Variants in SLC2A13 observed in about 807,000 individuals in gnomAD.
SLC2A13 encodes the protein proton myo-inositol cotransporter.
Under a neutral mutation model 64.4 loss-of-function variants are expected in SLC2A13, and 32 were observed. The ratio of observed to expected loss-of-function variants is 0.50; its 90% CI spans 0.37 to 0.67. SLC2A13 has a LOEUF of 0.67. SLC2A13 is among the 30% of genes least tolerant of loss of function. The pLI, the probability that SLC2A13 is intolerant of heterozygous loss-of-function variation, is 0.00. For missense variants in SLC2A13, 743 were observed against 829.2 expected, an observed-to-expected ratio of 0.90 and a Z score of 1.28; for synonymous variants, 338 against 327.1, an observed-to-expected ratio of 1.03 and a Z score of -0.36.
At chr12:39,770,456 C>T (rs993259066) in intron 7 of SLC2A13, among the ~76,000 whole-genome samples, 1 of 152,140 alleles carries the variant, frequency 6.6e-6, no homozygotes, top group Admixed American at 6.5e-5. Flanking sequence ...ATATAATGAG[C>T]ACTTTTTATG....
At chr12:39,966,254 A>G (rs1946513105) in intron 3 of SLC2A13, among the ~76,000 whole-genome samples, 1 of 152,026 alleles carries the variant, frequency 6.6e-6, no homozygotes, top group African/African-American at 2.4e-5. Context: ...GATCATCATT[A>G]CAGAATCTTC....
chr12:40,059,568 T>C (rs539695311), intron 1 of SLC2A13, among the ~76,000 whole-genome samples: 3 of 152,154 alleles, frequency 2.0e-5, no homozygotes, highest in African/African-American at 7.2e-5. Context: ...ATGAAGGATA[T>C]AGATGAAGAA....
At chr12:39,878,138 C>T (rs76922167) in intron 4 of SLC2A13, among the ~76,000 whole-genome samples, 2 of 152,178 alleles carry the variant, frequency 1.3e-5, no homozygotes, top group Non-Finnish European at 2.9e-5. Flanking sequence ...TAGGAGTAAA[C>T]CAATTATACC....
chr12:39,870,985 C>A (rs1187463706), intron 5 of SLC2A13, among the ~76,000 whole-genome samples: 4 of 152,124 alleles, frequency 2.6e-5, no homozygotes, highest in Admixed American at 1.3e-4. Context: ...TGGAAACTAT[C>A]TTTTAATGGA....
intron 3 of SLC2A13, among the ~76,000 whole-genome samples, chr12:40,022,559 G>A (rs1947736857): frequency 6.6e-6 from 1 of 152,202 alleles, no homozygotes; most frequent in Admixed American, 6.5e-5. Context: ...TTTTAAGGCC[G>A]GGTGTTGTGG....
chr12:39,867,389 T>A (rs1458655180), intron 5 of SLC2A13, among the ~76,000 whole-genome samples: 1 of 152,138 alleles, frequency 6.6e-6, no homozygotes, highest in Non-Finnish European at 1.5e-5. Context: ...ATATAAAGAT[T>A]CAAATAAATA....
chr12:40,088,840 T>A (rs945133189), intron 1 of SLC2A13, among the ~76,000 whole-genome samples: 6 of 152,138 alleles, frequency 3.9e-5, no homozygotes, highest in African/African-American at 1.4e-4. Context: ...TGAAGTATGT[T>A]TTTTAACAAC....
At chr12:39,817,813 T>C (rs111705314) in intron 7 of SLC2A13, among the ~76,000 whole-genome samples, 1,933 of 152,262 alleles carry the variant, frequency 0.013, 41 homozygotes, top group African/African-American at 0.043. Flanking sequence ...CCGGGGCAAT[T>C]CTGCTTACTT....
chr12:39,914,809 T>A (rs1352321419), intron 4 of SLC2A13, among the ~76,000 whole-genome samples: 1 of 151,694 alleles, frequency 6.6e-6, no homozygotes, highest in Non-Finnish European at 1.5e-5. Context: ...ATCGGAAAAA[T>A]TTAATACCTG....
intron 2 of SLC2A13, among the ~76,000 whole-genome samples, chr12:40,041,668 C>A (rs1307971517): frequency 6.6e-6 from 1 of 152,180 alleles, no homozygotes; most frequent in African/African-American, 2.4e-5. Flanking sequence ...GAATGAATGA[C>A]TGAATTATTT....
intron 1 of SLC2A13, among the ~76,000 whole-genome samples, chr12:40,048,495 T>C (rs1948203121): frequency 6.6e-6 from 1 of 152,086 alleles, no homozygotes; most frequent in Non-Finnish European, 1.5e-5. Flanking sequence ...AAGTATGCTT[T>C]ATAACTTCTT....
intron 1 of SLC2A13, among the ~76,000 whole-genome samples, chr12:40,077,092 AT>A (rs1482484529): frequency 6.6e-6 from 1 of 152,110 alleles, no homozygotes; most frequent in Non-Finnish European, 1.5e-5. Context: ...ACTTTCTCCC[AT>A]TTTGAAGGTT....
At chr12:40,059,280 TAC>T (rs1362676141) in intron 1 of SLC2A13, among the ~76,000 whole-genome samples, 1 of 152,196 alleles carries the variant, frequency 6.6e-6, no homozygotes, top group Non-Finnish European at 1.5e-5. Context: ...ATTTCATTTA[TAC>T]AGAGTCAATA....
rs11564224 is a variant in SLC2A13 at position 40,002,893 on chromosome 12, C to T, written c.925+25408G>A. Among the ~76,000 whole-genome samples, 1,135 of 151,814 alleles carry T rather than the reference C, an allele frequency of 7.5e-3. 8 individuals carry two copies. Among genetic ancestry groups the T allele is most frequent in the Middle Eastern group, 0.048 (14 of 290 alleles). ...AGGAACTTCATAAAGCTGCTTTTCA[C>T]TCTCCTTGACAGCCAGTGACATAAT... On this transcript the variant is annotated intron_variant, in intron 3 of 9. Transcript: ENST00000280871.
At chr12:40,041,844 A>T (rs1040584295) in intron 2 of SLC2A13, among the ~76,000 whole-genome samples, 4 of 152,238 alleles carry the variant, frequency 2.6e-5, no homozygotes, top group African/African-American at 9.6e-5. Flanking sequence ...CTGCTAAAAA[A>T]ATAATAAATT....
chr12:40,013,774 G>A (rs2136197559), intron 3 of SLC2A13, among the ~76,000 whole-genome samples: 1 of 152,308 alleles, frequency 6.6e-6, no homozygotes, highest in South Asian at 2.1e-4. Flanking sequence ...CCCTACGCAG[G>A]CACTGTATTT....
At chr12:40,097,293 A>G (rs1355090890) in intron 1 of SLC2A13, among the ~76,000 whole-genome samples, 1 of 152,210 alleles carries the variant, frequency 6.6e-6, no homozygotes, top group African/African-American at 2.4e-5. Context: ...TTTTATTAGA[A>G]CTTCCAAAAA....
In SLC2A13 at chr12:39,824,497, C is replaced by T. The variant is rs149963326; in HGVS notation, c.1445+5606G>A. Among the ~76,000 whole-genome samples, 206 of 152,282 alleles carry T rather than the reference C, an allele frequency of 1.4e-3. 2 individuals carry two copies. The highest frequency in any genetic ancestry group is 4.6e-3 in the African/African-American group (191 of 41,558). On this transcript the variant is annotated intron_variant, in intron 7 of 9. Transcript: ENST00000280871. ...CCCCTTTCTTATACCTGTGTTCAAT[C>T]GGAGTCAGTTACCAGGTCTTTCATT...
intron 4 of SLC2A13, among the ~76,000 whole-genome samples, chr12:39,925,051 T>G (rs1453601964): frequency 7.8e-6 from 1 of 127,720 alleles, no homozygotes; most frequent in Non-Finnish European, 1.6e-5. Flanking sequence ...TTTTTTTTTT[T>G]TTGAGGAAGA....
Sources: gnomAD v4.1 joint callset for allele counts (sites outside exome capture counted in the v4.1 genomes callset) on GRCh38, gnomAD v4.1.1 for gene constraint, MANE v1.5 for transcripts, NCBI Gene and HGNC (gene_info 2026-07-23, HGNC 2026-07-21) for gene names.